SLC35F3: variants seen among roughly 807,000 people sequenced by gnomAD.
The protein encoded by SLC35F3 is solute carrier family 35 member F3.
A neutral mutation model predicts 49.9 loss-of-function variants in SLC35F3; 25 were observed. The ratio of observed to expected loss-of-function variants is 0.50; its 90% CI spans 0.37 to 0.70. The LOEUF is 0.70. SLC35F3 is among the 30% of genes least tolerant of loss of function. SLC35F3 has a pLI of 0.00. For missense variants in SLC35F3, 525 were observed against 639.8 expected (o/e 0.82, Z 1.94); for synonymous variants, 275 against 265.4 (o/e 1.04, Z -0.35).
chr1:233,920,617 C>T lies in SLC35F3; in HGVS notation c.283+14859C>T, dbSNP rs139765487. Among the ~76,000 whole-genome samples the T allele has an allele frequency of 6.6e-5, 10 of 152,338 alleles. No individual in the cohort carries two copies. In the South Asian group the frequency reaches 1.0e-3, roughly 16 times the overall value. ...GAATAATCACCTCCCCTTGAGTGTG[C>T]GTGGGACCTGTGACTAACTTCTAAG... On this transcript the variant is annotated intron_variant, in intron 2 of 7. Coordinates refer to ENST00000366618, the MANE Select transcript of SLC35F3 (RefSeq NM_173508.4).
chr1:234,065,491 T>A (rs1339800260), intron 2 of SLC35F3, among the ~76,000 whole-genome samples: 1 of 152,220 alleles, frequency 6.6e-6, no homozygotes, highest in Admixed American at 6.5e-5. Context: ...GTTTGACATT[T>A]TTGTTTTCAG....
At chr1:234,299,541 C>T (rs1227090050) in intron 3 of SLC35F3, among the ~76,000 whole-genome samples, 1 of 152,124 alleles carries the variant, frequency 6.6e-6, no homozygotes, top group African/African-American at 2.4e-5. Flanking sequence ...CGTGGTGGCT[C>T]ACACCTGTAA....
At chr1:234,273,860 G>A (rs949069298) in intron 3 of SLC35F3, among the ~76,000 whole-genome samples, 4 of 152,086 alleles carry the variant, frequency 2.6e-5, no homozygotes, top group South Asian at 2.1e-4. Flanking sequence ...TCCAGCTCCC[G>A]GAGGCATCCA....
intron 2 of SLC35F3, among the ~76,000 whole-genome samples, chr1:234,034,824 A>G (rs1367635670): frequency 6.6e-6 from 1 of 152,230 alleles, no homozygotes; most frequent in Non-Finnish European, 1.5e-5. Flanking sequence ...TGCCCAGCCC[A>G]TAGATGGCTT....
At chr1:233,955,938 A>T (rs1431517876) in intron 2 of SLC35F3, among the ~76,000 whole-genome samples, 1 of 117,088 alleles carries the variant, frequency 8.5e-6, no homozygotes, top group Non-Finnish European at 1.6e-5. Flanking sequence ...CCCAGGCTGG[A>T]GTGCAGTGGC....
At chr1:233,974,863 A>G (rs2102818985) in intron 2 of SLC35F3, among the ~76,000 whole-genome samples, 1 of 152,368 alleles carries the variant, frequency 6.6e-6, no homozygotes, top group South Asian at 2.1e-4. Context: ...TGAGATCATA[A>G]TGTTGGAGGG....
intron 2 of SLC35F3, among the ~76,000 whole-genome samples, chr1:233,982,099 A>G (rs1170103284): frequency 6.6e-6 from 1 of 151,988 alleles, no homozygotes; most frequent in Non-Finnish European, 1.5e-5. Context: ...ATTTTTTTAA[A>G]TTTTTAGTAG....
intron 2 of SLC35F3, among the ~76,000 whole-genome samples, chr1:234,172,774 A>G (rs1179399040): frequency 6.6e-6 from 1 of 152,220 alleles, no homozygotes; most frequent in Non-Finnish European, 1.5e-5. Flanking sequence ...TTGTGTCTCT[A>G]AACATATCTA....
intron 2 of SLC35F3, among the ~76,000 whole-genome samples, chr1:234,013,837 A>T (rs1473289481): frequency 6.8e-6 from 1 of 148,054 alleles, no homozygotes. Flanking sequence ...AGTTAGTAAT[A>T]AAAACTTTCC....
rs184230793 is a variant in SLC35F3, at chr1:234,263,991, C to T, written c.608+32250C>T. Among the ~76,000 whole-genome samples the T allele has an allele frequency of 2.2e-4, 34 of 152,274 alleles. No individual in the cohort carries two copies. The East Asian group carries it at 6.4e-3, about 29-fold the overall frequency. On this transcript the variant is annotated intron_variant, in intron 3 of 7. Transcript: ENST00000366618. ...AGGCATAGTGGCAGGCACCTGTAAT[C>T]CCAGCTACTCAGGAGGCTGAGGCAG...
chr1:234,093,527 T>C (rs1665074874), intron 2 of SLC35F3, among the ~76,000 whole-genome samples: 1 of 152,224 alleles, frequency 6.6e-6, no homozygotes, highest in African/African-American at 2.4e-5. Context: ...CTTTTCTTCC[T>C]ATAGGTTTTC....
chr1:234,181,229 G>T (rs1666551589), intron 2 of SLC35F3, among the ~76,000 whole-genome samples: 1 of 151,372 alleles, frequency 6.6e-6, no homozygotes, highest in Admixed American at 6.6e-5. Context: ...CCAGCTACTT[G>T]GGAGACTGAG....
intron 2 of SLC35F3, among the ~76,000 whole-genome samples, chr1:233,983,786 C>T (rs546499583): frequency 6.6e-6 from 1 of 152,246 alleles, no homozygotes; most frequent in South Asian, 2.1e-4. Flanking sequence ...TAAATAGGGA[C>T]CATTTCTCTC....
chr1:234,151,730 G>A (rs1304367602), intron 2 of SLC35F3, among the ~76,000 whole-genome samples: 1 of 152,110 alleles, frequency 6.6e-6, no homozygotes, highest in African/African-American at 2.4e-5. Flanking sequence ...TTTACAAAGT[G>A]AGAGAAACTG....
intron 2 of SLC35F3, among the ~76,000 whole-genome samples, chr1:234,102,336 G>GGTGTGTGTGT (rs2102882932): frequency 6.6e-6 from 1 of 152,100 alleles, no homozygotes; most frequent in East Asian, 1.9e-4. Context: ...TTTTTGGGGA[G>GGTGTGTGTGT]GTGTGTGTGT....
chr1:233,920,337 T>G (rs1468328297), intron 2 of SLC35F3, among the ~76,000 whole-genome samples: 1 of 152,166 alleles, frequency 6.6e-6, no homozygotes, highest in Non-Finnish European at 1.5e-5. Context: ...AAAGGAGTAT[T>G]GAGTGGAAGG....
intron 2 of SLC35F3, among the ~76,000 whole-genome samples, chr1:234,089,058 G>A (rs1665003422): frequency 6.6e-6 from 1 of 152,220 alleles, no homozygotes; most frequent in Non-Finnish European, 1.5e-5. Context: ...CATGGTGCCT[G>A]GCTGAGGATT....
intron 2 of SLC35F3, among the ~76,000 whole-genome samples, chr1:234,207,388 ATCCTTCCTTCCTCCCTCCC>A (rs1364284289): frequency 4.7e-4 from 2 of 4,234 alleles, no homozygotes; most frequent in Non-Finnish European, 1.1e-3. Context: ...TTTTCCTTCC[ATCCTTCCTTCCTCCCTCCC>A]TCCTTCCTTT....
intron 2 of SLC35F3, among the ~76,000 whole-genome samples, chr1:234,140,002 A>AATAAT: frequency 9.5e-6 from 1 of 105,368 alleles, no homozygotes; most frequent in South Asian, 2.6e-4. Flanking sequence ...AATAAAATAA[A>AATAAT]GTAAGTGACT....
Sources: gnomAD v4.1 joint callset for allele counts (sites outside exome capture counted in the v4.1 genomes callset) on GRCh38, gnomAD v4.1.1 for gene constraint, MANE v1.5 for transcripts, NCBI Gene and HGNC (gene_info 2026-07-23, HGNC 2026-07-21) for gene names.